Variants in ENTPD5 observed in about 807,000 individuals in gnomAD.
ENTPD5 encodes the protein ectonucleoside triphosphate diphosphohydrolase 5 (inactive), also known as nucleoside diphosphate phosphatase ENTPD5.
ENTPD5 carries 49 observed loss-of-function variants against 60.2 expected under a neutral mutation model. The ratio of observed to expected loss-of-function variants is 0.81; its 90% CI spans 0.65 to 1.03. The LOEUF is 1.03. ENTPD5 is among the 50% of genes least tolerant of loss of function. ENTPD5 has a pLI of 0.00. For missense variants in ENTPD5, 480 were observed against 507.6 expected, an observed-to-expected ratio of 0.95 and a Z score of 0.52; for synonymous variants, 187 against 185.4, an observed-to-expected ratio of 1.01 and a Z score of -0.07.
At chr14:73,969,921 T>G in intron 15 of ENTPD5, 89 bp downstream of exon 15, 1 of 916,662 alleles carries the variant, frequency 1.1e-6, no homozygotes, top group Non-Finnish European at 1.8e-6. Flanking sequence ...ATTTCACTTC[T>G]AGCTACTCTG....
At chr14:73,975,561 T>C (rs1378600162) in intron 10 of ENTPD5, among the ~76,000 whole-genome samples, 1 of 152,018 alleles carries the variant, frequency 6.6e-6, no homozygotes, top group Non-Finnish European at 1.5e-5. Context: ...TGCGCTGTCA[T>C]ATCCAGCTAA....
intron 10 of ENTPD5, among the ~76,000 whole-genome samples, 157 bp downstream of exon 10, chr14:73,975,779 G>C (rs1431914128): frequency 1.3e-5 from 2 of 152,162 alleles, no homozygotes; most frequent in Non-Finnish European, 2.9e-5. Flanking sequence ...GGCTCCTCCG[G>C]CTTTGTAAGT....
intron 3 of ENTPD5, among the ~76,000 whole-genome samples, chr14:73,997,454 A>G (rs2058373107): frequency 6.6e-6 from 1 of 152,180 alleles, no homozygotes; most frequent in Admixed American, 6.5e-5. Flanking sequence ...GTGAAATGTA[A>G]AAGCTCCCAC....
intron 2 of ENTPD5, among the ~76,000 whole-genome samples, chr14:74,012,981 T>C (rs2058891201): frequency 6.6e-6 from 1 of 152,200 alleles, no homozygotes; most frequent in Non-Finnish European, 1.5e-5. Flanking sequence ...GTTCCCAGCC[T>C]ACCTTTTTAG....
At position 73,986,850 on chromosome 14, in the gene ENTPD5, C is replaced by T. The variant is rs142055186; in HGVS notation, c.261G>A (p.Lys87=). Residue 87 remains lysine, a synonymous_variant, in exon 5 of 16, where the codon AAG becomes AAA. Coordinates refer to ENST00000334696, the MANE Select transcript of ENTPD5 (RefSeq NM_001249.5). ...GATCTACAAAAGCAGAAAGTCCTGG[C>T]TTCACAGAATCAAAAACTTCCCCTT... ...ILEGEVFDSV[K]PGLSAFVDQP... is the part of the protein sequence containing the mutation. 536 of 1,614,020 alleles carry T rather than the reference C, an allele frequency of 3.3e-4. 1 individual carries two copies. Among genetic ancestry groups the T allele is most frequent in the Admixed American group, 5.2e-4 (31 of 59,994 alleles).
At chr14:73,986,648 G>C (rs539591532) in intron 5 of ENTPD5, 166 bp downstream of exon 5, 2 of 614,936 alleles carry the variant, frequency 3.3e-6, no homozygotes, top group Non-Finnish European at 5.8e-6. Context: ...CCTCATGAGC[G>C]TGGGAAATGT....
chr14:73,987,252 A>G, intron 4 of ENTPD5: 2 of 663,772 alleles, frequency 3.0e-6, no homozygotes, highest in Non-Finnish European at 5.4e-6. Context: ...TCCCAAAACC[A>G]CTCCCCATAT....
At chr14:73,976,577 G>C (rs1465163976) in intron 8 of ENTPD5, among the ~76,000 whole-genome samples, 165 bp from the exon 9 acceptor site, 1 of 152,040 alleles carries the variant, frequency 6.6e-6, no homozygotes, top group Non-Finnish European at 1.5e-5. Flanking sequence ...TGTTGCAGCA[G>C]AGGCCTTCAA....
At chr14:74,004,995 A>C (rs1190606779) in intron 3 of ENTPD5, among the ~76,000 whole-genome samples, 1 of 152,060 alleles carries the variant, frequency 6.6e-6, no homozygotes, top group Non-Finnish European at 1.5e-5. Context: ...CCATATATAT[A>C]TTTCAATAAA....
intron 6 of ENTPD5, among the ~76,000 whole-genome samples, chr14:73,979,419 T>A (rs1466989009): frequency 6.6e-6 from 1 of 151,930 alleles, no homozygotes; most frequent in Non-Finnish European, 1.5e-5. Flanking sequence ...TATTTTTGGT[T>A]CCCTGCTGAA....
chr14:73,988,247 C>A, intron 3 of ENTPD5, 75 bp from the exon 4 acceptor site: 1 of 1,370,054 alleles, frequency 7.3e-7, no homozygotes, highest in Non-Finnish European at 9.6e-7. Flanking sequence ...AACACTCACT[C>A]CTGGGCCCAA....
downstream of ENTPD5, chr14:73,961,023 C>A: frequency 1.1e-6 from 1 of 899,756 alleles, no homozygotes; most frequent in Non-Finnish European, 1.8e-6. Context: ...TTGCTTTGCA[C>A]TTGAGGGGCT....
downstream of ENTPD5, chr14:73,959,796 C>T: frequency 7.9e-7 from 1 of 1,260,008 alleles, no homozygotes; most frequent in South Asian, 1.6e-5. Context: ...TCTCAAACTC[C>T]TGACCTCAAG....
intron 3 of ENTPD5, among the ~76,000 whole-genome samples, chr14:73,989,832 CAAAAAAAAA>C (rs57558687): frequency 7.6e-5 from 4 of 52,362 alleles, no homozygotes; most frequent in South Asian, 7.3e-4. Context: ...GACTCAGTCT[CAAAAAAAAA>C]AAAAAAAAAA....
At chr14:73,979,943 A>ATTTT (rs554438546) in intron 6 of ENTPD5, among the ~76,000 whole-genome samples, 4 of 127,566 alleles carry the variant, frequency 3.1e-5, no homozygotes, top group Non-Finnish European at 5.0e-5. Flanking sequence ...TTTTGCCATG[A>ATTTT]TTTTTTTTTT....
intron 7 of ENTPD5, 95 bp from the exon 8 acceptor site, chr14:73,977,154 GT>G (rs1211928755): frequency 1.5e-6 from 2 of 1,295,446 alleles, no homozygotes. Context: ...TAAATTCCAT[GT>G]CTAGAGCACA....
chr14:73,990,743 T>G (rs1334340368), intron 3 of ENTPD5, among the ~76,000 whole-genome samples: 1 of 151,976 alleles, frequency 6.6e-6, no homozygotes. Flanking sequence ...TAAAAAACAT[T>G]TGTGGCTGGG....
intron 3 of ENTPD5, among the ~76,000 whole-genome samples, chr14:74,001,701 A>AG (rs2058517286): frequency 8.3e-6 from 1 of 120,692 alleles, no homozygotes; most frequent in Non-Finnish European, 1.7e-5. Context: ...AAAAAAAAAA[A>AG]GCCAGGCATG....
chr14:74,010,588 A>C (rs2058818915), intron 3 of ENTPD5, among the ~76,000 whole-genome samples: 1 of 152,100 alleles, frequency 6.6e-6, no homozygotes, highest in South Asian at 2.1e-4. Context: ...TCCATTGTGA[A>C]TTATATAATT....
Sources: allele counts gnomAD v4.1 joint callset (sites outside exome capture counted in the v4.1 genomes callset), GRCh38; gene constraint gnomAD v4.1.1; transcripts MANE v1.5; gene names NCBI Gene and HGNC (gene_info 2026-07-23, HGNC 2026-07-21).